The following TTC27 variants were observed in gnomAD, a reference collection of about 807,000 sequenced individuals.
TTC27 encodes tetratricopeptide repeat protein 27.
In TTC27, 79 loss-of-function variants were observed where a neutral mutation model predicts 115.9. That is an observed-to-expected ratio of 0.68 (90% CI 0.57 to 0.82). TTC27 has a LOEUF of 0.82. Among genes scored for constraint, TTC27 ranks in the 40% least tolerant of loss-of-function variants. The probability of loss-of-function intolerance (pLI) is 0.00; values close to 1 mark genes in which losing one functional copy is unlikely to be tolerated. For synonymous variants in TTC27, 401 were observed against 356.0 expected (o/e 1.13, Z -1.42); for missense variants, 1,054 against 993.1 (o/e 1.06, Z -0.82).
rs867844804 is a variant in TTC27, at chr2:32,703,427, A to G, written c.1233+507A>G. On this transcript the variant is annotated intron_variant, in intron 10 of 19. Transcript: ENST00000317907. ...GGTCGCAGTGAGCCGAGATCGTGCCATTGCACTCCAGTCTGGGCGACAAGA... is the reference window on the plus strand; with the variant it reads ...GGTCGCAGTGAGCCGAGATCGTGCCGTTGCACTCCAGTCTGGGCGACAAGA... Among the ~76,000 whole-genome samples the G allele has an allele frequency of 2.6e-5, 4 of 152,360 alleles. No homozygotes were observed. In the Middle Eastern group the frequency reaches 0.01, roughly 389 times the overall value.
intron 12 of TTC27, among the ~76,000 whole-genome samples, chr2:32,752,235 G>A (rs542612865): frequency 9.8e-5 from 15 of 152,304 alleles, no homozygotes; most frequent in African/African-American, 3.1e-4. Flanking sequence ...TTTCAAAAAT[G>A]CTGGTTCTCC....
At position 32,746,666 on chromosome 2, in the gene TTC27, G is replaced by A. The variant is rs1045388456; in HGVS notation, c.1452+9850G>A. 4.0e-5 allele frequency among the ~76,000 whole-genome samples: 6 copies of A among 151,592 alleles called. No homozygotes were observed. The South Asian group carries it at 8.3e-4, about 21-fold the overall frequency. ...GCTTTTGCATTCTGTGAAGATTTAT[G>A]GCCATTCACATTTTGATATTGCAGA... On this transcript the variant is annotated intron_variant, in intron 12 of 19. Coordinates refer to ENST00000317907, the MANE Select transcript of TTC27 (RefSeq NM_017735.5).
chr2:32,817,925 C>T (rs530381064), intron 19 of TTC27, among the ~76,000 whole-genome samples: 3 of 151,990 alleles, frequency 2.0e-5, no homozygotes, highest in East Asian at 3.9e-4. Flanking sequence ...GGCATGGTTG[C>T]GGGTGTCTGT....
At chr2:32,799,498 G>A (rs1334876983) in intron 16 of TTC27, among the ~76,000 whole-genome samples, 4 of 152,148 alleles carry the variant, frequency 2.6e-5, no homozygotes, top group Admixed American at 6.5e-5. Flanking sequence ...ACAAACTCCA[G>A]ATAGACTAAA....
chr2:32,702,856 T>A lies in TTC27; in HGVS notation c.1169T>A (p.Ile390Asn). 6.2e-7 allele frequency: 1 copy of A among 1,614,096 alleles called. No individual in the cohort carries two copies. Among genetic ancestry groups the A allele is most frequent in the Admixed American group, 1.7e-5 (1 of 60,004 alleles). ...TGGGCCATTCAGACATCAGCCTTGA[T>A]CCTCCGGACAAAACTTGAGAAAGGA... is the stretch of plus-strand genomic sequence containing the variant. Reference protein sequence around the residue: ...KFWAIQTSALILRTKLEKGST... With the variant: ...KFWAIQTSALNLRTKLEKGST... The change falls in exon 10 of 20, where the codon ATC becomes AAC. Residue 390 changes from isoleucine (I) to asparagine (N), a missense_variant. By Grantham distance (149) the Ile-to-Asn change is moderately radical. Transcript: ENST00000317907.
At chr2:32,801,110 A>G (rs950294988) in intron 16 of TTC27, among the ~76,000 whole-genome samples, 134 of 152,306 alleles carry the variant, frequency 8.8e-4, no homozygotes, top group African/African-American at 3.1e-3. Context: ...AAACCAGAAA[A>G]TGATTTCCAG....
chr2:32,709,376 C>G (rs1667498474), intron 10 of TTC27, among the ~76,000 whole-genome samples: 1 of 152,142 alleles, frequency 6.6e-6, no homozygotes, highest in Admixed American at 6.5e-5. Flanking sequence ...ACTGTTGATA[C>G]AGGTTCAGTC....
At chr2:32,782,237 G>A (rs575942558) in intron 14 of TTC27, among the ~76,000 whole-genome samples, 5 of 152,144 alleles carry the variant, frequency 3.3e-5, no homozygotes, top group South Asian at 2.1e-4. Context: ...CCCCCTATCC[G>A]GTGAAGAAGG....
Position 32,743,487 on chromosome 2 carries a change from T to C in TTC27, c.1452+6671T>C, listed in dbSNP as rs150668159. ...TCCCACAAATCTCAAATTTCCCATA[T>C]AACAACTTGCAGAAAAACCATATCA... On this transcript the variant is annotated intron_variant, in intron 12 of 19. Transcript: ENST00000317907. Among the ~76,000 whole-genome samples, 1,055 of 152,296 alleles carry C rather than the reference T, an allele frequency of 6.9e-3. 17 individuals carry two copies. Among genetic ancestry groups the C allele is most frequent in the African/African-American group, 0.023 (937 of 41,550 alleles).
intron 13 of TTC27, among the ~76,000 whole-genome samples, chr2:32,759,300 A>G (rs1181049666): frequency 6.6e-6 from 1 of 152,238 alleles, no homozygotes. Context: ...CTAACTTATA[A>G]TTAGTGACTA....
chr2:32,809,666 G>A (rs1219242739), intron 16 of TTC27, among the ~76,000 whole-genome samples: 4 of 152,158 alleles, frequency 2.6e-5, no homozygotes, highest in East Asian at 1.9e-4. Flanking sequence ...GGAAGATTGC[G>A]GTTGTGTTTT....
At chr2:32,677,059 A>T (rs1034049216) in intron 8 of TTC27, among the ~76,000 whole-genome samples, 10 of 152,066 alleles carry the variant, frequency 6.6e-5, no homozygotes, top group Non-Finnish European at 7.4e-5. Flanking sequence ...TTTAAAAAAA[A>T]TTTTAATTTC....
intron 12 of TTC27, among the ~76,000 whole-genome samples, chr2:32,756,477 C>T (rs1669236669): frequency 6.6e-6 from 1 of 152,122 alleles, no homozygotes; most frequent in South Asian, 2.1e-4. Context: ...TTCTTAGAAA[C>T]TGTTTTATAA....
At chr2:32,744,777 G>C (rs1318195815) in intron 12 of TTC27, among the ~76,000 whole-genome samples, 2 of 152,106 alleles carry the variant, frequency 1.3e-5, no homozygotes, top group African/African-American at 2.4e-5. Flanking sequence ...ATGGCCGGGC[G>C]TGGTGGCTCC....
intron 16 of TTC27, among the ~76,000 whole-genome samples, chr2:32,798,071 C>T (rs1436280011): frequency 6.6e-6 from 1 of 150,660 alleles, no homozygotes; most frequent in Non-Finnish European, 1.5e-5. Context: ...TACCACCTTA[C>T]ACCCACTAGG....
chr2:32,713,102 C>G (rs896365811), intron 10 of TTC27, among the ~76,000 whole-genome samples: 5 of 152,100 alleles, frequency 3.3e-5, no homozygotes, highest in Non-Finnish European at 7.4e-5. Flanking sequence ...CCTCTTGTGC[C>G]TCTGCCATGG....
intron 9 of TTC27, among the ~76,000 whole-genome samples, chr2:32,699,190 A>T (rs866346953): frequency 3.3e-5 from 5 of 152,188 alleles, no homozygotes; most frequent in African/African-American, 1.2e-4. Flanking sequence ...CCCTGGAGGA[A>T]CCAAACTAGA....
At chr2:32,692,555 A>T (rs1021356818) in intron 9 of TTC27, among the ~76,000 whole-genome samples, 1 of 152,188 alleles carries the variant, frequency 6.6e-6, no homozygotes, top group Non-Finnish European at 1.5e-5. Flanking sequence ...AAAATGGTAT[A>T]TTTTATGTTA....
At chr2:32,655,396 C>T (rs949095198) in intron 5 of TTC27, among the ~76,000 whole-genome samples, 4 of 152,086 alleles carry the variant, frequency 2.6e-5, no homozygotes, top group Admixed American at 2.6e-4. Flanking sequence ...ATCTTCTCAC[C>T]TCGGCCTCCC....
Sources: gnomAD v4.1 joint callset for allele counts (sites outside exome capture counted in the v4.1 genomes callset) on GRCh38, gnomAD v4.1.1 for gene constraint, MANE v1.5 for transcripts, NCBI Gene and HGNC (gene_info 2026-07-23, HGNC 2026-07-21) for gene names.